The following DCLK2 variants were observed in gnomAD, a reference collection of about 807,000 sequenced individuals.
DCLK2 encodes the protein serine/threonine-protein kinase DCLK2.
Under a neutral mutation model 78.4 loss-of-function variants are expected in DCLK2, and 31 were observed. That is an observed-to-expected ratio of 0.40 (90% confidence interval 0.30 to 0.53). The LOEUF (loss-of-function observed/expected upper bound fraction) is 0.53, where lower values mean the gene tolerates loss of function less well. DCLK2 is among the 20% of genes least tolerant of loss of function. DCLK2 has a pLI of 0.61. For missense variants in DCLK2, 872 were observed against 973.7 expected (o/e 0.90, Z 1.39); for synonymous variants, 407 against 374.9 (o/e 1.09, Z -0.99).
At chr4:150,246,495 C>G (rs1207440066) in intron 12 of DCLK2, among the ~76,000 whole-genome samples, 2 of 152,144 alleles carry the variant, frequency 1.3e-5, no homozygotes, top group Admixed American at 6.5e-5. Context: ...GTAGCAAAAC[C>G]CTGAAGGCTG....
chr4:150,176,759 T>TA (rs1737119058), intron 2 of DCLK2, among the ~76,000 whole-genome samples: 1 of 152,214 alleles, frequency 6.6e-6, no homozygotes, highest in Non-Finnish European at 1.5e-5. Context: ...AATCTAATCT[T>TA]ATGACATGAG....
chr4:150,171,543 C>T (rs1320017331), intron 2 of DCLK2, among the ~76,000 whole-genome samples: 2 of 152,170 alleles, frequency 1.3e-5, no homozygotes, highest in African/African-American at 2.4e-5. Context: ...TGCAGCTGTT[C>T]ATTTAGAAAA....
At chr4:150,252,473 G>T (rs1466079815) in intron 15 of DCLK2, among the ~76,000 whole-genome samples, 1 of 152,216 alleles carries the variant, frequency 6.6e-6, no homozygotes, top group African/African-American at 2.4e-5. Context: ...TTTTGACTCA[G>T]GGGCCCAGAT....
At chr4:150,220,949 A>G (rs527990065) in intron 6 of DCLK2, among the ~76,000 whole-genome samples, 171 bp downstream of exon 6, 5 of 152,360 alleles carry the variant, frequency 3.3e-5, no homozygotes, top group Admixed American at 2.6e-4. Flanking sequence ...TTACTTCAAG[A>G]TAAAGAAAAA....
At chr4:150,113,062 C>T (rs951947483) in intron 2 of DCLK2, among the ~76,000 whole-genome samples, 13 of 152,164 alleles carry the variant, frequency 8.5e-5, no homozygotes, top group East Asian at 3.9e-4. Flanking sequence ...CCGCTCGCTT[C>T]GGCCTCCCAA....
In DCLK2 at chr4:150,200,021, T is replaced by C. The variant is rs149548008; in HGVS notation, c.961+1918T>C. ...CAATGTAGCAAGGCCCTGTCTCTTT[T>C]AAAAAAATTTTAATAAAAGGGAGAG... On this transcript the variant is annotated intron_variant, in intron 4 of 15. Transcript: ENST00000296550. Among the ~76,000 whole-genome samples the C allele has an allele frequency of 9.1e-3, 1,390 of 152,250 alleles. 22 individuals are homozygous for C. Among genetic ancestry groups the C allele is most frequent in the African/African-American group, 0.032 (1,314 of 41,544 alleles).
intron 2 of DCLK2, among the ~76,000 whole-genome samples, chr4:150,139,716 A>G (rs1335338043): frequency 1.3e-5 from 2 of 152,246 alleles, no homozygotes; most frequent in South Asian, 2.1e-4. Flanking sequence ...ATCATTAACA[A>G]TGAAGCAGTT....
At chr4:150,179,894 T>C (rs192312309) in intron 2 of DCLK2, among the ~76,000 whole-genome samples, 41 of 152,226 alleles carry the variant, frequency 2.7e-4, no homozygotes, top group Admixed American at 9.2e-4. Flanking sequence ...TTCCGTAAGG[T>C]ATGGGAGATT....
At chr4:150,160,363 C>A (rs1405412855) in intron 2 of DCLK2, among the ~76,000 whole-genome samples, 2 of 152,030 alleles carry the variant, frequency 1.3e-5, no homozygotes, top group East Asian at 3.9e-4. Context: ...CATTTTTGTC[C>A]CCTGAGAGTT....
chr4:150,198,194 C>T (rs1019293201), intron 4 of DCLK2, 91 bp downstream of exon 4: 14 of 1,191,516 alleles, frequency 1.2e-5, no homozygotes, highest in South Asian at 1.6e-5. Context: ...TAGTCTTTGC[C>T]AGGGTCGTAT....
At chr4:150,173,881 T>A (rs1303261023) in intron 2 of DCLK2, among the ~76,000 whole-genome samples, 1 of 151,846 alleles carries the variant, frequency 6.6e-6, no homozygotes, top group Non-Finnish European at 1.5e-5. Context: ...GTGATGAGAG[T>A]AATATTCAAA....
intron 2 of DCLK2, among the ~76,000 whole-genome samples, chr4:150,165,297 C>G (rs572984218): frequency 6.6e-6 from 1 of 152,262 alleles, no homozygotes; most frequent in South Asian, 2.1e-4. Flanking sequence ...TGTTTCTGTT[C>G]TATAGATCTG....
intron 5 of DCLK2, among the ~76,000 whole-genome samples, chr4:150,216,495 C>T (rs1430164360): frequency 2.6e-5 from 4 of 152,028 alleles, no homozygotes; most frequent in African/African-American, 7.2e-5. Context: ...AAAAATTAGT[C>T]GGGCGTGGTG....
intron 1 of DCLK2, among the ~76,000 whole-genome samples, chr4:150,088,427 T>C (rs916395811): frequency 7.2e-5 from 11 of 151,930 alleles, no homozygotes; most frequent in African/African-American, 1.7e-4. Context: ...TCTTTTTTTT[T>C]CTGCTTATAT....
At chr4:150,138,872 G>T (rs898662632) in intron 2 of DCLK2, among the ~76,000 whole-genome samples, 3 of 151,966 alleles carry the variant, frequency 2.0e-5, no homozygotes, top group Non-Finnish European at 4.4e-5. Flanking sequence ...CACCTTGTTA[G>T]CCAGGATGGT....
At chr4:150,222,045 G>T (rs906180635) in intron 7 of DCLK2, among the ~76,000 whole-genome samples, 1 of 151,856 alleles carries the variant, frequency 6.6e-6, no homozygotes, top group Non-Finnish European at 1.5e-5. Context: ...AGGCTAGAGT[G>T]CAGTGGCACC....
chr4:150,218,661 G>A (rs1277742272), intron 5 of DCLK2, among the ~76,000 whole-genome samples: 1 of 152,168 alleles, frequency 6.6e-6, no homozygotes, highest in Non-Finnish European at 1.5e-5. Context: ...GCTGGGAGAG[G>A]CGGTGGTTCC....
At chr4:150,126,793 C>A (rs1310058514) in intron 2 of DCLK2, among the ~76,000 whole-genome samples, 1 of 152,070 alleles carries the variant, frequency 6.6e-6, no homozygotes. Context: ...GATCTACAGA[C>A]CTTATTTGAA....
chr4:150,242,020 ATCT>A (rs1316961451), intron 12 of DCLK2, among the ~76,000 whole-genome samples: 1 of 152,188 alleles, frequency 6.6e-6, no homozygotes, highest in Non-Finnish European at 1.5e-5. Context: ...AAATGGTTTT[ATCT>A]TCTTTTCCAT....
Sources: gnomAD v4.1 joint callset for allele counts (sites outside exome capture counted in the v4.1 genomes callset) on GRCh38, gnomAD v4.1.1 for gene constraint, MANE v1.5 for transcripts, NCBI Gene and HGNC (gene_info 2026-07-23, HGNC 2026-07-21) for gene names.